Variants in JAK1 observed in about 807,000 individuals in gnomAD.
JAK1 encodes the protein tyrosine-protein kinase JAK1.
In JAK1, 16 loss-of-function variants were observed where a neutral mutation model predicts 136.6. The ratio of observed to expected loss-of-function variants is 0.12; its 90% CI spans 0.08 to 0.18. JAK1 has a LOEUF of 0.18. Among genes scored for constraint, JAK1 ranks in the 10% least tolerant of loss-of-function variants. JAK1 has a pLI of 1.00. For missense variants in JAK1, 859 were observed against 1,450.1 expected, an observed-to-expected ratio of 0.59 and a Z score of 6.62; for synonymous variants, 492 against 519.5, an observed-to-expected ratio of 0.95 and a Z score of 0.72.
At chr1:65,040,656 G>C (rs1647123459) in intron 2 of JAK1, among the ~76,000 whole-genome samples, 1 of 151,946 alleles carries the variant, frequency 6.6e-6, no homozygotes, top group Non-Finnish European at 1.5e-5. Context: ...ACATGCCCAG[G>C]TCCCCCTGTG....
chr1:65,059,395 T>C (rs183309902), intron 1 of JAK1, among the ~76,000 whole-genome samples: 3 of 152,320 alleles, frequency 2.0e-5, no homozygotes, highest in Admixed American at 1.3e-4. Flanking sequence ...GCTTTATAAT[T>C]AAGAAGAAAA....
chr1:64,918,108 T>C (rs891701599), intron 1 of JAK1, among the ~76,000 whole-genome samples: 1 of 152,162 alleles, frequency 6.6e-6, no homozygotes, highest in African/African-American at 2.4e-5. Context: ...GCATGATTAA[T>C]ACCAAAGTGG....
At chr1:65,038,753 C>T (rs993069791) in intron 2 of JAK1, among the ~76,000 whole-genome samples, 1 of 152,150 alleles carries the variant, frequency 6.6e-6, no homozygotes, top group African/African-American at 2.4e-5. Context: ...ATTCTCATGC[C>T]TCAGCCTCCT....
chr1:64,990,919 C>CAAAAAAAAA (rs1173485942), intron 2 of JAK1: 10 of 43,892 alleles, frequency 2.3e-4, no homozygotes, highest in Non-Finnish European at 3.1e-4. Context: ...GACTCCGTCT[C>CAAAAAAAAA]AAAAAAAAAA....
chr1:64,899,877 T>C (rs41480748), intron 1 of JAK1, among the ~76,000 whole-genome samples: 2,586 of 152,272 alleles, frequency 0.017, 36 homozygotes, highest in Non-Finnish European at 0.026. Flanking sequence ...ACAGCATGTA[T>C]AGGATGATCC....
intron 2 of JAK1, chr1:65,004,188 G>T (rs1245926085): frequency 1.3e-5 from 2 of 152,164 alleles, no homozygotes; most frequent in African/African-American, 4.8e-5. Context: ...TGATCCACCC[G>T]CCTCAGCCTC....
intron 2 of JAK1, chr1:64,973,241 A>AGGAG (rs1490118257): frequency 2.0e-5 from 3 of 149,144 alleles, no homozygotes; most frequent in Non-Finnish European, 4.5e-5. Flanking sequence ...GAAAGAAAGA[A>AGGAG]GGAGAAAGAA....
At chr1:65,037,309 T>C (rs1022551605) in intron 2 of JAK1, among the ~76,000 whole-genome samples, 16 of 152,206 alleles carry the variant, frequency 1.1e-4, no homozygotes, top group Admixed American at 5.2e-4. Flanking sequence ...GAAGTTTTTT[T>C]GTTTGTTTGT....
chr1:64,897,322 T>C (rs975781501), intron 1 of JAK1, among the ~76,000 whole-genome samples: 3 of 150,400 alleles, frequency 2.0e-5, no homozygotes, highest in Non-Finnish European at 4.4e-5. Flanking sequence ...CCCAGCTACT[T>C]GGGAGGCTGA....
chr1:65,049,192 C>T (rs551023983), intron 1 of JAK1, among the ~76,000 whole-genome samples: 6 of 152,130 alleles, frequency 3.9e-5, no homozygotes, highest in African/African-American at 1.2e-4. Context: ...GAGGCTGAGG[C>T]GGGAATATCT....
At chr1:64,959,449 C>G (rs1646245359) in intron 1 of JAK1, among the ~76,000 whole-genome samples, 1 of 152,152 alleles carries the variant, frequency 6.6e-6, no homozygotes, top group Non-Finnish European at 1.5e-5. Context: ...GCAAAACTCC[C>G]TGGAGTATTA....
intron 1 of JAK1, among the ~76,000 whole-genome samples, chr1:64,965,351 A>G (rs144528052): frequency 6.6e-6 from 1 of 152,288 alleles, no homozygotes; most frequent in East Asian, 1.9e-4. Flanking sequence ...TAGTAAGAAG[A>G]GTGGCAGGAA....
chr1:65,050,579 G>T (rs950596627), intron 1 of JAK1, among the ~76,000 whole-genome samples: 2 of 152,216 alleles, frequency 1.3e-5, no homozygotes, highest in Non-Finnish European at 2.9e-5. Flanking sequence ...TGGGGCAGCT[G>T]AAGAGGAGAA....
intron 2 of JAK1, among the ~76,000 whole-genome samples, chr1:64,884,128 G>A (rs1002198892): frequency 2.0e-5 from 3 of 152,098 alleles, no homozygotes; most frequent in Non-Finnish European, 4.4e-5. Context: ...GGACTTTGAC[G>A]CAGCACCAGG....
intron 23 of JAK1, 149 bp from the exon 24 acceptor site, chr1:64,835,655 A>G: frequency 1.6e-6 from 1 of 616,698 alleles, no homozygotes; most frequent in African/African-American, 1.9e-5. Flanking sequence ...TAAAAATCCA[A>G]AATCCTTATT....
intron 1 of JAK1, among the ~76,000 whole-genome samples, chr1:64,912,886 A>G (rs1324734490): frequency 6.6e-6 from 1 of 152,228 alleles, no homozygotes. Context: ...GCTGGAAAGA[A>G]ACTGGATTCA....
At chr1:64,925,168 G>T (rs541228339) in intron 1 of JAK1, among the ~76,000 whole-genome samples, 89 of 151,946 alleles carry the variant, frequency 5.9e-4, no homozygotes, top group Non-Finnish European at 8.1e-4. Context: ...AGGCTGAGGC[G>T]GGCGGATCAC....
chr1:64,875,884 C>T (rs3790541), intron 4 of JAK1: 22,745 of 152,058 alleles, frequency 0.15, 1,807 homozygotes, highest in East Asian at 0.31. Context: ...GAACAGAACA[C>T]GTGCCCAGGA....
chr1:64,924,764 C>T (rs1645554163), intron 1 of JAK1, among the ~76,000 whole-genome samples: 1 of 152,186 alleles, frequency 6.6e-6, no homozygotes. Flanking sequence ...CTTAAAGCCA[C>T]AAACACCTTT....
Sources: allele counts gnomAD v4.1 joint callset (sites outside exome capture counted in the v4.1 genomes callset), GRCh38; gene constraint gnomAD v4.1.1; transcripts MANE v1.5; gene names NCBI Gene and HGNC (gene_info 2026-07-23, HGNC 2026-07-21).